The following GRIP1 variants were observed in gnomAD, a reference collection of about 807,000 sequenced individuals.
The protein encoded by GRIP1 is glutamate receptor-interacting protein 1.
A neutral mutation model predicts 129.9 loss-of-function variants in GRIP1; 45 were observed. That is an observed-to-expected ratio of 0.35 (90% confidence interval 0.27 to 0.44). The LOEUF (loss-of-function observed/expected upper bound fraction) is 0.44. GRIP1 is among the 20% of genes least tolerant of loss of function. The probability of loss-of-function intolerance (pLI) is 1.00; values close to 1 mark genes in which losing one functional copy is unlikely to be tolerated. For missense variants in GRIP1, 1,196 were observed against 1,396.8 expected, an observed-to-expected ratio of 0.86 and a Z score of 2.29; for synonymous variants, 530 against 520.8, an observed-to-expected ratio of 1.02 and a Z score of -0.24.
At chr12:66,387,380 G>A (rs1415300537) in intron 19 of GRIP1, among the ~76,000 whole-genome samples, 1 of 152,214 alleles carries the variant, frequency 6.6e-6, no homozygotes, top group Non-Finnish European at 1.5e-5. Flanking sequence ...GGTAGCTGGG[G>A]AAGAATTTAC....
chr12:66,523,649 A>T (rs2061108212), intron 5 of GRIP1, among the ~76,000 whole-genome samples: 6 of 152,134 alleles, frequency 3.9e-5, no homozygotes, highest in Admixed American at 3.9e-4. Flanking sequence ...AGCTAACATC[A>T]TAATGACAGG....
chr12:66,509,639 C>T (rs2060636624), intron 7 of GRIP1, among the ~76,000 whole-genome samples: 2 of 152,150 alleles, frequency 1.3e-5, no homozygotes, highest in South Asian at 2.1e-4. Context: ...GAGTTCATGT[C>T]CTTTGCAGGA....
intron 1 of GRIP1, among the ~76,000 whole-genome samples, chr12:66,656,720 C>A (rs2033180351): frequency 1.3e-5 from 2 of 152,284 alleles, no homozygotes; most frequent in Non-Finnish European, 2.9e-5. Flanking sequence ...AACAGTGTAT[C>A]TAGGTCATGG....
intron 1 of GRIP1, among the ~76,000 whole-genome samples, chr12:66,821,100 T>C (rs901693407): frequency 2.0e-5 from 3 of 152,180 alleles, no homozygotes; most frequent in Admixed American, 6.5e-5. Context: ...TGTATATCTA[T>C]AGGGAGGTTA....
intron 5 of GRIP1, among the ~76,000 whole-genome samples, chr12:66,524,956 T>C (rs2061168946): frequency 6.6e-6 from 1 of 152,104 alleles, no homozygotes. Flanking sequence ...CCTCGACACA[T>C]ACACCCTCCC....
At position 66,392,485 on chromosome 12, in the gene GRIP1, G is replaced by A; in HGVS notation, c.2287C>T (p.Pro763Ser). Residue 763 changes from proline (P) to serine (S), a missense_variant, in exon 19 of 25, where the codon CCC becomes TCC. Transcript: ENST00000359742. ...TGGCTAGAAATAGGGAACTTCTTGG[G>A]GCTCGATGCTGACTGGGCTTTATAG... ...KQTDAQSASS[P>S]KKFPISSHLS... The A allele has an allele frequency of 1.2e-6, 2 of 1,614,042 alleles. No individual in the cohort carries two copies. The highest frequency in any genetic ancestry group is 1.7e-6 in the Non-Finnish European group (2 of 1,179,942).
At chr12:66,416,682 C>T (rs780809123) in intron 15 of GRIP1, among the ~76,000 whole-genome samples, 2 of 152,116 alleles carry the variant, frequency 1.3e-5, no homozygotes, top group Non-Finnish European at 2.9e-5. Flanking sequence ...TTCCTAGACT[C>T]ATACAATGTA....
chr12:66,743,578 C>T (rs555953491), intron 1 of GRIP1, among the ~76,000 whole-genome samples: 7 of 129,780 alleles, frequency 5.4e-5, no homozygotes, highest in African/African-American at 7.7e-5. Context: ...ATGTCCATAA[C>T]GTAAATAGGC....
intron 19 of GRIP1, among the ~76,000 whole-genome samples, chr12:66,390,442 G>T (rs1364616041): frequency 6.6e-6 from 1 of 152,080 alleles, no homozygotes; most frequent in Non-Finnish European, 1.5e-5. Flanking sequence ...TCATAAAAAT[G>T]TCTAAATTAT....
At chr12:66,360,456 GAGAACC>G (rs2054703112) in intron 23 of GRIP1, among the ~76,000 whole-genome samples, 1 of 152,128 alleles carries the variant, frequency 6.6e-6, no homozygotes, top group Admixed American at 6.5e-5. Context: ...GATGCCCCCG[GAGAACC>G]TGGACCATGA....
intron 1 of GRIP1, among the ~76,000 whole-genome samples, chr12:66,631,963 TG>T (rs1419809826): frequency 6.6e-6 from 1 of 152,172 alleles, no homozygotes; most frequent in Non-Finnish European, 1.5e-5. Context: ...ATAACATATG[TG>T]GGACTGTGAA....
intron 1 of GRIP1, among the ~76,000 whole-genome samples, chr12:66,973,341 G>C (rs1293910238): frequency 2.0e-5 from 3 of 148,342 alleles, no homozygotes; most frequent in Non-Finnish European, 4.5e-5. Context: ...CTTTTGACAG[G>C]AAAATGGTTA....
chr12:66,689,812 C>T (rs2034914240), intron 1 of GRIP1, among the ~76,000 whole-genome samples: 1 of 152,152 alleles, frequency 6.6e-6, no homozygotes, highest in African/African-American at 2.4e-5. Context: ...CTTTGATCAA[C>T]ATCTCCCCAT....
intron 1 of GRIP1, among the ~76,000 whole-genome samples, chr12:66,766,081 A>C (rs563611788): frequency 6.6e-6 from 1 of 152,324 alleles, no homozygotes; most frequent in Admixed American, 6.5e-5. Flanking sequence ...CACTATGAAA[A>C]TATGCTCAGA....
chr12:66,419,391 A>G (rs7397463), intron 15 of GRIP1, among the ~76,000 whole-genome samples: 76,680 of 151,956 alleles, frequency 0.5, 21,614 homozygotes, highest in Non-Finnish European at 0.63. Flanking sequence ...TGATGGCACA[A>G]CAGGGTGACT....
chr12:67,019,490 C>T (rs2042835076), intron 1 of GRIP1, among the ~76,000 whole-genome samples: 1 of 152,182 alleles, frequency 6.6e-6, no homozygotes, highest in South Asian at 2.1e-4. Flanking sequence ...GAAAAATAGT[C>T]ACTGAAAAGT....
At chr12:66,675,378 C>G (rs1386575758) in intron 1 of GRIP1, among the ~76,000 whole-genome samples, 2 of 152,106 alleles carry the variant, frequency 1.3e-5, no homozygotes, top group Non-Finnish European at 2.9e-5. Context: ...AGCACCTGAG[C>G]AAGCAGCAGA....
chr12:66,950,182 G>A (rs2041735029), intron 1 of GRIP1, among the ~76,000 whole-genome samples: 1 of 152,112 alleles, frequency 6.6e-6, no homozygotes, highest in African/African-American at 2.4e-5. Flanking sequence ...TAGACTGAAA[G>A]CCAAATTTAA....
rs78580950 is a variant in GRIP1 at position 67,060,150 on chromosome 12, A to C, written c.58+8900T>G. Among the ~76,000 whole-genome samples the C allele has an allele frequency of 6.8e-3, 1,033 of 152,356 alleles. 33 individuals are homozygous for C. Among genetic ancestry groups the C allele is most frequent in the East Asian group, 0.05 (258 of 5,184 alleles). On this transcript the variant is annotated intron_variant, in intron 1 of 1. Transcript: ENST00000643019. Reference sequence around the variant, plus strand: ...AGTGCTAATACTGGGTTTTGTATTTAAGATCAAAATGGTTTATAATAGACC... The same window carrying C: ...AGTGCTAATACTGGGTTTTGTATTTCAGATCAAAATGGTTTATAATAGACC...
Sources: allele counts gnomAD v4.1 joint callset (sites outside exome capture counted in the v4.1 genomes callset), GRCh38; gene constraint gnomAD v4.1.1; transcripts MANE v1.5; gene names NCBI Gene and HGNC (gene_info 2026-07-23, HGNC 2026-07-21).